The following KRT23 variants were observed in gnomAD, a reference collection of about 807,000 sequenced individuals.
KRT23 encodes the protein keratin 23.
KRT23 carries 38 observed loss-of-function variants against 47.6 expected under a neutral mutation model. That is an observed-to-expected ratio of 0.80 (90% CI 0.62 to 1.05). The LOEUF is 1.05. Ranked by LOEUF, KRT23 falls within the 50% of genes least tolerant of loss-of-function variation. The pLI, the probability that KRT23 is intolerant of heterozygous loss-of-function variation, is 0.00. For missense variants in KRT23, 503 were observed against 529.5 expected (o/e 0.95, Z 0.49); for synonymous variants, 191 against 199.0 (o/e 0.96, Z 0.34).
chr17:40,923,103 A>T lies in KRT23; in HGVS notation c.1175-20T>A, dbSNP rs775124068. The T allele has an allele frequency of 7.1e-6, 11 of 1,540,538 alleles. No homozygotes were observed. The highest frequency in any genetic ancestry group is 2.7e-5 in the African/African-American group (2 of 73,526). ...CAGACACTGAGAAAAAGAGCATGGA[A>T]GATGTCACTGCCATGCTTCTTCCAC... is the stretch of plus-strand genomic sequence containing the variant. On this transcript the variant is annotated intron_variant, in intron 8 of 8. Coordinates refer to ENST00000209718, the MANE Select transcript of KRT23 (RefSeq NM_015515.5).
chr17:40,935,556 T>A (rs1049860504), intron 2 of KRT23, among the ~76,000 whole-genome samples: 1 of 152,202 alleles, frequency 6.6e-6, no homozygotes, highest in African/African-American at 2.4e-5. Flanking sequence ...AAAATTATGC[T>A]CATTTTATTA....
In KRT23 at chr17:40,936,449, C is replaced by T. The variant is rs759203930; in HGVS notation, c.155G>A (p.Cys52Tyr). 5.0e-6 allele frequency: 8 copies of T among 1,607,244 alleles called. No individual in the cohort carries two copies. The Admixed American group carries it at 1.3e-4, about 27-fold the overall frequency. Residue 52 changes from cysteine to tyrosine, a missense_variant, in exon 2 of 9, where the codon TGC becomes TAC. Transcript: ENST00000209718. ...ACCCCAAGACCCTCCAGGGGGTGGG[C>T]AGCTCCGCGTGGTGAAGGACAGGGA... ...RISLSFTTRS[C>Y]PPPGGSWGSG...
chr17:40,932,226 A>C (rs545693573), intron 2 of KRT23, among the ~76,000 whole-genome samples: 1 of 152,172 alleles, frequency 6.6e-6, no homozygotes, highest in Admixed American at 6.5e-5. Context: ...AAGAAGCTTC[A>C]GTAGTGGTAA....
intron 6 of KRT23, among the ~76,000 whole-genome samples, chr17:40,927,529 C>T (rs1041823163): frequency 3.3e-5 from 5 of 152,222 alleles, no homozygotes; most frequent in Admixed American, 2.6e-4. Flanking sequence ...AGGGTAGAAT[C>T]GCACTTGGCA....
chr17:40,931,288 G>A, intron 3 of KRT23, 85 bp downstream of exon 3: 7 of 950,302 alleles, frequency 7.4e-6, no homozygotes, highest in Middle Eastern at 2.1e-4. Context: ...GGGATTACAG[G>A]TGTGAGCCAC....
chr17:40,936,311 A>G lies in KRT23; in HGVS notation c.293T>C (p.Met98Thr). 3.7e-6 allele frequency: 6 copies of G among 1,614,150 alleles called. No individual in the cohort carries two copies. The highest frequency in any genetic ancestry group is 1.7e-4 in the Middle Eastern group (1 of 6,058). Residue 98 changes from methionine (M) to threonine (T), a missense_variant, in exon 2 of 9, where the codon ATG (methionine) becomes ACG (threonine). Physicochemically the swap from Met to Thr is moderately conservative, Grantham distance 81 (BLOSUM62 -1). Transcript: ENST00000209718. ...EKVRALEEAN[M>T]KLESRILKWH... ...TTTCAGGATGCGGCTTTCCAGCTTC[A>G]TGTTGGCCTCCTCCAGGGCGCGAAC...
intron 1 of KRT23, 73 bp from the exon 2 acceptor site, chr17:40,937,026 C>A (rs905603702): frequency 9.0e-5 from 15 of 166,650 alleles, no homozygotes; most frequent in East Asian, 5.0e-4. Flanking sequence ...TTAAAAAAAA[C>A]CAAAAACCAA....
chr17:40,930,701 T>A (rs959719174), intron 3 of KRT23, among the ~76,000 whole-genome samples: 2 of 151,518 alleles, frequency 1.3e-5, no homozygotes, highest in African/African-American at 4.9e-5. Flanking sequence ...AAGGCAGAGG[T>A]TGCAGTGAGC....
chr17:40,928,699 A>G, intron 4 of KRT23, 92 bp from the exon 5 acceptor site: 1 of 1,196,406 alleles, frequency 8.4e-7, no homozygotes, highest in African/African-American at 1.5e-5. Context: ...AGATCTTTTA[A>G]ACATTCCGAT....
chr17:40,923,139 G>C, intron 8 of KRT23, 56 bp from the exon 9 acceptor site: 1 of 1,331,290 alleles, frequency 7.5e-7, no homozygotes, highest in East Asian at 2.3e-5. Flanking sequence ...CATCTGAACT[G>C]TACTCATTTT....
Position 40,922,833 on chromosome 17 carries a change from T to G in KRT23, c.*156A>C. On this transcript the variant is annotated 3_prime_UTR_variant, in exon 9 of 9. Transcript: ENST00000209718. ...AAAGTGCAATATATTAAGAGCATTA[T>G]GAGAAGTCTGGTGAGACTGTTACAG... 7.4e-5 allele frequency: 44 copies of G among 595,342 alleles called. No homozygotes were observed. The highest frequency in any genetic ancestry group is 8.4e-5 in the Non-Finnish European group (28 of 334,384). 36.9% of individuals were successfully genotyped at this position (595,342 alleles called of 1,614,324 possible). A position where few individuals can be genotyped will look rare whatever the true frequency, so the allele number is the denominator to read the frequency against.
At position 40,936,542 on chromosome 17, in the gene KRT23, C is replaced by G; in HGVS notation, c.62G>C (p.Gly21Ala). ...PSASFHGAGGGWGRPRSFPRA... is the reference protein window; with the variant it reads ...PSASFHGAGGAWGRPRSFPRA... ...GGGGAAGCTCCTGGGCCGGCCCCAG[C>G]CACCTCCGGCGCCATGGAAGGAGGC... is the stretch of plus-strand genomic sequence containing the variant. Residue 21 changes from glycine (G) to alanine (A), a missense_variant, in exon 2 of 9, where the codon GGC becomes GCC. Physicochemically the swap from Gly to Ala is moderately conservative, Grantham distance 60 (BLOSUM62 0). Coordinates refer to ENST00000209718, the MANE Select transcript of KRT23 (RefSeq NM_015515.5). 1 of 1,521,810 alleles carries G rather than the reference C, an allele frequency of 6.6e-7. No homozygotes were observed. The highest frequency in any genetic ancestry group is 8.8e-7 in the Non-Finnish European group (1 of 1,137,984). The allele number at this position is 1,521,810 out of a possible 1,614,324, so 94.3% of individuals were successfully genotyped here. A position where few individuals can be genotyped will look rare whatever the true frequency, so the allele number is the denominator to read the frequency against.
At chr17:40,923,457 T>C (rs1909048820) in intron 8 of KRT23, among the ~76,000 whole-genome samples, 1 of 152,222 alleles carries the variant, frequency 6.6e-6, no homozygotes. Flanking sequence ...GGGTACCTCA[T>C]TTTAAAGTCT....
intron 7 of KRT23, among the ~76,000 whole-genome samples, chr17:40,924,919 T>C (rs2143433114): frequency 6.6e-6 from 1 of 152,318 alleles, no homozygotes; most frequent in South Asian, 2.1e-4. Context: ...GCCCTTTATA[T>C]GGCCAGCTGT....
At chr17:40,930,628 G>A (rs775785164) in intron 3 of KRT23, among the ~76,000 whole-genome samples, 68 of 151,954 alleles carry the variant, frequency 4.5e-4, no homozygotes, top group Middle Eastern at 3.2e-3. Context: ...GCTGGGCATG[G>A]TGGTGTGCAC....
intron 7 of KRT23, among the ~76,000 whole-genome samples, chr17:40,925,000 T>C (rs1400485762): frequency 6.6e-6 from 1 of 152,112 alleles, no homozygotes; most frequent in East Asian, 1.9e-4. Context: ...TGCATCTTTT[T>C]TTTTTTTTCT....
chr17:40,929,783 A>G lies in KRT23; in HGVS notation c.636+157T>C, dbSNP rs1032802021. ...TGTGACTAGCTAACCTTGAAATTAG[A>G]AACATTAGATATTTGTATGTTTTTC... On this transcript the variant is annotated intron_variant, in intron 4 of 8. Coordinates refer to ENST00000209718, the MANE Select transcript of KRT23 (RefSeq NM_015515.5). The G allele has an allele frequency of 2.7e-5, 15 of 563,818 alleles. No individual in the cohort carries two copies. In the African/African-American group the frequency reaches 2.8e-4, roughly 11 times the overall value. The allele number at this position is 563,818 out of a possible 1,614,324, so 34.9% of individuals were successfully genotyped here.
intron 2 of KRT23, 114 bp downstream of exon 2, chr17:40,936,094 C>T (rs1910042760): frequency 8.7e-7 from 1 of 1,143,016 alleles, no homozygotes; most frequent in Admixed American, 2.2e-5. Flanking sequence ...TGCACAATTA[C>T]TTCAAGCGCT....
intron 6 of KRT23, among the ~76,000 whole-genome samples, chr17:40,927,695 G>A (rs62068061): frequency 0.053 from 8,076 of 152,186 alleles, 357 homozygotes; most frequent in Non-Finnish European, 0.074. Flanking sequence ...GAGTTTTCTG[G>A]GTGATAAGAC....
Sources: allele counts gnomAD v4.1 joint callset (sites outside exome capture counted in the v4.1 genomes callset), GRCh38; gene constraint gnomAD v4.1.1; transcripts MANE v1.5; gene names NCBI Gene and HGNC (gene_info 2026-07-23, HGNC 2026-07-21).